PDZRN4: variants seen among roughly 807,000 people sequenced by gnomAD.
PDZRN4 encodes PDZ domain-containing RING finger protein 4.
A neutral mutation model predicts 99.0 loss-of-function variants in PDZRN4; 70 were observed. The ratio of observed to expected loss-of-function variants is 0.71; its 90% CI spans 0.58 to 0.86. PDZRN4 has a LOEUF of 0.86. Among genes scored for constraint, PDZRN4 ranks in the 40% least tolerant of loss-of-function variants. PDZRN4 has a pLI of 0.00. For missense variants in PDZRN4, 1,474 were observed against 1,331.2 expected (o/e 1.11, Z -1.67); for synonymous variants, 551 against 501.6 (o/e 1.10, Z -1.32).
chr12:41,409,639 T>C (rs551100322), intron 3 of PDZRN4: 4 of 152,306 alleles, frequency 2.6e-5, no homozygotes, highest in South Asian at 2.1e-4. Context: ...TATTTAAATA[T>C]ATATTTTTCA....
In PDZRN4 at chr12:41,302,143, T is replaced by G. The variant is rs568185738; in HGVS notation, c.843+107955T>G. On this transcript the variant is annotated intron_variant, in intron 3 of 9. Transcript: ENST00000402685. ...ATACACACATGTGTGTATATAGATG[T>G]TTATATGTGTGTATATTTTTGTATG... Among the ~76,000 whole-genome samples the G allele has an allele frequency of 2.0e-5, 3 of 152,244 alleles. No homozygotes were observed. In the South Asian group the frequency reaches 6.2e-4, roughly 32 times the overall value.
In PDZRN4 at chr12:41,198,979, G is replaced by T. The variant is rs967770605; in HGVS notation, c.843+4791G>T. 2.6e-5 allele frequency among the ~76,000 whole-genome samples: 4 copies of T among 152,200 alleles called. No homozygotes were observed. In the South Asian group the frequency reaches 8.3e-4, roughly 32 times the overall value. On this transcript the variant is annotated intron_variant, in intron 3 of 9. Coordinates refer to ENST00000402685, the MANE Select transcript of PDZRN4 (RefSeq NM_001164595.2). Reference sequence around the variant, plus strand: ...ACTGCTAAAATGAAAATCTTTGGTAGTTGTCACGTTTATTTAGCTAACACT... The same window carrying T: ...ACTGCTAAAATGAAAATCTTTGGTATTTGTCACGTTTATTTAGCTAACACT...
intron 1 of PDZRN4, among the ~76,000 whole-genome samples, chr12:41,189,587 G>C (rs1020425644): frequency 1.3e-5 from 2 of 152,298 alleles, no homozygotes. Context: ...ACTGGTGTCA[G>C]CGTTGATGAC....
intron 3 of PDZRN4, among the ~76,000 whole-genome samples, chr12:41,235,591 G>T (rs1280316332): frequency 6.6e-6 from 1 of 151,900 alleles, no homozygotes; most frequent in East Asian, 1.9e-4. Flanking sequence ...AAAGCATGTG[G>T]GCCCAGAAAT....
intron 9 of PDZRN4, among the ~76,000 whole-genome samples, chr12:41,570,870 T>G (rs1369777858): frequency 6.6e-6 from 1 of 152,144 alleles, no homozygotes; most frequent in Non-Finnish European, 1.5e-5. Context: ...TTTCAACAAA[T>G]GAAGGAACAT....
chr12:41,341,412 T>C (rs1337804957), intron 3 of PDZRN4, among the ~76,000 whole-genome samples: 1 of 151,868 alleles, frequency 6.6e-6, no homozygotes, highest in Non-Finnish European at 1.5e-5. Flanking sequence ...AGAAGTTAAA[T>C]TGTCCCTATT....
intron 3 of PDZRN4, among the ~76,000 whole-genome samples, chr12:41,216,009 A>T (rs1187954853): frequency 6.6e-6 from 1 of 151,944 alleles, no homozygotes; most frequent in Non-Finnish European, 1.5e-5. Flanking sequence ...TAAAATACCT[A>T]TTACCCCTGT....
At chr12:41,277,306 TTTAG>T (rs1951355263) in intron 3 of PDZRN4, among the ~76,000 whole-genome samples, 2 of 152,098 alleles carry the variant, frequency 1.3e-5, no homozygotes, top group Admixed American at 6.5e-5. Context: ...TTCACGTAGT[TTTAG>T]TTAATTTATA....
At chr12:41,209,136 G>A (rs1280980123) in intron 3 of PDZRN4, among the ~76,000 whole-genome samples, 4 of 151,802 alleles carry the variant, frequency 2.6e-5, no homozygotes, top group African/African-American at 7.3e-5. Context: ...ACAGCTGCTT[G>A]GATACTACAG....
chr12:41,297,048 C>G (rs1951500047), intron 3 of PDZRN4, among the ~76,000 whole-genome samples: 1 of 152,204 alleles, frequency 6.6e-6, no homozygotes, highest in African/African-American at 2.4e-5. Context: ...TGGTTGAATT[C>G]CCAGGATGTT....
chr12:41,412,022 C>A (rs796070758), intron 3 of PDZRN4: 81 of 152,326 alleles, frequency 5.3e-4, no homozygotes, highest in African/African-American at 1.9e-3. Context: ...ATGTCTAGGG[C>A]AGTTTCCTTA....
intron 9 of PDZRN4, among the ~76,000 whole-genome samples, chr12:41,571,043 C>T (rs1293762079): frequency 6.6e-6 from 1 of 151,888 alleles, no homozygotes; most frequent in African/African-American, 2.4e-5. Context: ...CTTTTGTCAC[C>T]CGTTCTATCC....
intron 3 of PDZRN4, among the ~76,000 whole-genome samples, chr12:41,421,683 T>A (rs921484861): frequency 1.6e-4 from 25 of 152,192 alleles, no homozygotes; most frequent in African/African-American, 5.8e-4. Context: ...CTAAATTAAG[T>A]GTCACCCCTT....
chr12:41,313,530 C>T (rs79573390), intron 3 of PDZRN4, among the ~76,000 whole-genome samples: 2 of 152,246 alleles, frequency 1.3e-5, no homozygotes, highest in African/African-American at 4.8e-5. Flanking sequence ...GAGAAGGCCC[C>T]ATCCCTTTCA....
intron 3 of PDZRN4, among the ~76,000 whole-genome samples, chr12:41,378,351 C>G (rs1221358978): frequency 6.6e-6 from 1 of 151,946 alleles, no homozygotes; most frequent in Non-Finnish European, 1.5e-5. Flanking sequence ...GTGTACGAAA[C>G]TTTTAATGTG....
chr12:41,396,238 G>A (rs911612452), intron 3 of PDZRN4, among the ~76,000 whole-genome samples: 1 of 152,054 alleles, frequency 6.6e-6, no homozygotes, highest in African/African-American at 2.4e-5. Flanking sequence ...TTTTCCTCTA[G>A]TTTCCAATGA....
At chr12:41,219,304 G>A (rs1950939264) in intron 3 of PDZRN4, among the ~76,000 whole-genome samples, 1 of 152,088 alleles carries the variant, frequency 6.6e-6, no homozygotes, top group African/African-American at 2.4e-5. Flanking sequence ...GAATTTTGAT[G>A]ATTGAGTAGG....
chr12:41,310,683 G>A (rs779395088), intron 3 of PDZRN4, among the ~76,000 whole-genome samples: 3 of 152,132 alleles, frequency 2.0e-5, no homozygotes, highest in Non-Finnish European at 4.4e-5. Flanking sequence ...TAAAAGGAAA[G>A]CTTTACAGAA....
At chr12:41,196,101 T>C (rs1950770415) in intron 3 of PDZRN4, among the ~76,000 whole-genome samples, 1 of 152,122 alleles carries the variant, frequency 6.6e-6, no homozygotes, top group Admixed American at 6.5e-5. Context: ...ACAAACCTAC[T>C]GTTTTTTTTA....
Sources: gnomAD v4.1 joint callset for allele counts (sites outside exome capture counted in the v4.1 genomes callset) on GRCh38, gnomAD v4.1.1 for gene constraint, MANE v1.5 for transcripts, NCBI Gene and HGNC (gene_info 2026-07-23, HGNC 2026-07-21) for gene names.